DLGAP1: variants seen among roughly 807,000 people sequenced by gnomAD.
The protein encoded by DLGAP1 is DLG associated protein 1.
Under a neutral mutation model 90.8 loss-of-function variants are expected in DLGAP1, and 11 were observed. That is an observed-to-expected ratio of 0.12 (90% confidence interval 0.08 to 0.20). The LOEUF is 0.20. DLGAP1 is among the 10% of genes least tolerant of loss of function. DLGAP1 has a pLI of 1.00. For synonymous variants in DLGAP1, 558 were observed against 540.7 expected (o/e 1.03, Z -0.44); for missense variants, 1,050 against 1,333.8 (o/e 0.79, Z 3.31).
intron 7 of DLGAP1, among the ~76,000 whole-genome samples, chr18:3,592,966 A>G (rs1295754223): frequency 6.6e-6 from 1 of 152,128 alleles, no homozygotes; most frequent in African/African-American, 2.4e-5. Context: ...ACATATGTGA[A>G]AGATCCCACT....
intron 1 of DLGAP1, among the ~76,000 whole-genome samples, chr18:4,310,781 A>C (rs1158211034): frequency 6.6e-6 from 1 of 152,132 alleles, no homozygotes; most frequent in Non-Finnish European, 1.5e-5. Context: ...TAAATAGTAA[A>C]CATTATTCTG....
intron 5 of DLGAP1, among the ~76,000 whole-genome samples, chr18:3,768,277 G>A (rs2064350367): frequency 6.6e-6 from 1 of 152,044 alleles, no homozygotes; most frequent in Non-Finnish European, 1.5e-5. Context: ...AAAAGTACAT[G>A]GCACTGATGA....
intron 2 of DLGAP1, among the ~76,000 whole-genome samples, chr18:4,065,837 C>CA (rs899389057): frequency 6.6e-5 from 9 of 135,862 alleles, no homozygotes; most frequent in Non-Finnish European, 1.2e-4. Flanking sequence ...TCACATGGAA[C>CA]AAAAAAAGGG....
intron 1 of DLGAP1, among the ~76,000 whole-genome samples, chr18:4,308,856 C>A (rs1332709022): frequency 6.6e-6 from 1 of 152,146 alleles, no homozygotes; most frequent in Non-Finnish European, 1.5e-5. Context: ...AAAGCTCCAG[C>A]CAAGCTAAAA....
At chr18:4,340,479 T>A (rs2081166043) in intron 1 of DLGAP1, among the ~76,000 whole-genome samples, 1 of 152,170 alleles carries the variant, frequency 6.6e-6, no homozygotes, top group African/African-American at 2.4e-5. Context: ...GAAGCATGGA[T>A]AAGGGGATTG....
chr18:3,840,709 A>C (rs1474209263), intron 4 of DLGAP1, among the ~76,000 whole-genome samples: 1 of 152,146 alleles, frequency 6.6e-6, no homozygotes, highest in Non-Finnish European at 1.5e-5. Context: ...TCGAGTACTT[A>C]CTCTGTGCCA....
intron 1 of DLGAP1, among the ~76,000 whole-genome samples, chr18:4,445,756 T>A (rs1448776191): frequency 6.6e-6 from 1 of 151,862 alleles, no homozygotes; most frequent in Non-Finnish European, 1.5e-5. Flanking sequence ...GTTAAAAATG[T>A]GAATATTATA....
At chr18:3,666,193 G>C (rs2059877280) in intron 7 of DLGAP1, among the ~76,000 whole-genome samples, 1 of 152,172 alleles carries the variant, frequency 6.6e-6, no homozygotes, top group Non-Finnish European at 1.5e-5. Flanking sequence ...TTCCAGGAAA[G>C]ACTAGGCAGC....
chr18:4,010,183 G>A (rs1796478754), intron 2 of DLGAP1, among the ~76,000 whole-genome samples: 2 of 152,140 alleles, frequency 1.3e-5, no homozygotes, highest in Admixed American at 6.5e-5. Context: ...TACTTTGATT[G>A]CTACACAGTT....
At chr18:4,267,409 C>T (rs1405412015) in intron 1 of DLGAP1, among the ~76,000 whole-genome samples, 1 of 152,178 alleles carries the variant, frequency 6.6e-6, no homozygotes, top group Non-Finnish European at 1.5e-5. Context: ...CTACAAATTA[C>T]TTTGGTTAAA....
intron 3 of DLGAP1, among the ~76,000 whole-genome samples, chr18:3,934,507 G>A (rs966444625): frequency 2.6e-5 from 4 of 152,142 alleles, no homozygotes; most frequent in African/African-American, 7.2e-5. Flanking sequence ...TAAGAAGAGT[G>A]GCAGACAGAG....
chr18:4,132,861 TAATAA>T (rs113783355), intron 2 of DLGAP1, among the ~76,000 whole-genome samples: 5 of 152,316 alleles, frequency 3.3e-5, no homozygotes, highest in African/African-American at 1.2e-4. Context: ...CCAGGAGCTT[TAATAA>T]AATAAAACAT....
At chr18:3,887,598 C>T (rs1353221570) in intron 3 of DLGAP1, among the ~76,000 whole-genome samples, 1 of 152,178 alleles carries the variant, frequency 6.6e-6, no homozygotes, top group Admixed American at 6.5e-5. Context: ...TCCTTGCTCA[C>T]ACATGCATGC....
intron 1 of DLGAP1, among the ~76,000 whole-genome samples, chr18:4,295,860 A>C (rs997748988): frequency 6.6e-6 from 1 of 152,226 alleles, no homozygotes; most frequent in Non-Finnish European, 1.5e-5. Flanking sequence ...AAAGGCCTCC[A>C]GCTATGCTTG....
intron 1 of DLGAP1, among the ~76,000 whole-genome samples, chr18:4,409,646 G>A (rs2082734938): frequency 6.6e-6 from 1 of 152,120 alleles, no homozygotes; most frequent in Non-Finnish European, 1.5e-5. Flanking sequence ...TTGTGGTTTT[G>A]ATTTGGATTT....
At chr18:3,706,145 C>G (rs1274909403) in intron 7 of DLGAP1, among the ~76,000 whole-genome samples, 1 of 151,688 alleles carries the variant, frequency 6.6e-6, no homozygotes. Context: ...TACAGGCACT[C>G]ACCACCATGC....
intron 1 of DLGAP1, among the ~76,000 whole-genome samples, chr18:4,407,949 T>C (rs1243225073): frequency 6.6e-6 from 1 of 152,098 alleles, no homozygotes; most frequent in Non-Finnish European, 1.5e-5. Flanking sequence ...TGTCCAACTC[T>C]CCTGCAGCAG....
chr18:3,901,156 G>T (rs933218572), intron 3 of DLGAP1, among the ~76,000 whole-genome samples: 2 of 152,026 alleles, frequency 1.3e-5, no homozygotes, highest in African/African-American at 4.8e-5. Context: ...TACCCACCCT[G>T]GCTCCCTGTT....
intron 7 of DLGAP1, among the ~76,000 whole-genome samples, chr18:3,650,981 G>A (rs1355269224): frequency 6.6e-6 from 1 of 152,160 alleles, no homozygotes; most frequent in South Asian, 2.1e-4. Flanking sequence ...CAGGACAATT[G>A]CTTGAACCAG....
Sources: gnomAD v4.1 joint callset for allele counts (sites outside exome capture counted in the v4.1 genomes callset) on GRCh38, gnomAD v4.1.1 for gene constraint, MANE v1.5 for transcripts, NCBI Gene and HGNC (gene_info 2026-07-23, HGNC 2026-07-21) for gene names.